Variants in PTPRT observed in about 807,000 individuals in gnomAD.
PTPRT encodes receptor-type tyrosine-protein phosphatase T.
Under a neutral mutation model 176.8 loss-of-function variants are expected in PTPRT, and 56 were observed. The observed-to-expected ratio is 0.32, with a 90% CI of 0.26 to 0.40. The LOEUF is 0.40. Among genes scored for constraint, PTPRT ranks in the 10% least tolerant of loss-of-function variants. PTPRT has a pLI of 1.00. For synonymous variants in PTPRT, 783 were observed against 739.0 expected (o/e 1.06, Z -0.96); for missense variants, 1,540 against 1,908.2 (o/e 0.81, Z 3.60).
intron 7 of PTPRT, among the ~76,000 whole-genome samples, chr20:42,508,533 AG>A (rs1438561471): frequency 6.6e-6 from 1 of 152,208 alleles, no homozygotes; most frequent in East Asian, 1.9e-4. Context: ...AAAATAGAAT[AG>A]CCCTTACTAT....
rs560116805 is a variant in PTPRT at position 42,078,357 on chromosome 20, C to G, written c.*2522G>C. The G allele has an allele frequency of 1.2e-4, 26 of 212,082 alleles. No individual in the cohort carries two copies. Among genetic ancestry groups the G allele is most frequent in the African/African-American group, 5.4e-4 (24 of 44,218 alleles). The allele number at this position is 212,082 out of a possible 1,614,324, so 13.1% of individuals were successfully genotyped here. A position where few individuals can be genotyped will look rare whatever the true frequency, so the allele number is the denominator to read the frequency against. ...GTTCCATCCTCATGGGCCTGGAGAT[C>G]TGGGTTGGTGACCCTGCTCCGTGGT... On this transcript the variant is annotated 3_prime_UTR_variant, in exon 31 of 31. Coordinates refer to ENST00000373187, the MANE Select transcript of PTPRT (RefSeq NM_007050.6).
intron 6 of PTPRT, among the ~76,000 whole-genome samples, chr20:42,692,730 A>G (rs2075810824): frequency 1.3e-5 from 2 of 152,250 alleles, no homozygotes; most frequent in East Asian, 3.8e-4. Flanking sequence ...CATAGACTAC[A>G]TAATTGTGTG....
At chr20:42,466,099 A>T (rs1298754814) in intron 8 of PTPRT, among the ~76,000 whole-genome samples, 2 of 152,220 alleles carry the variant, frequency 1.3e-5, no homozygotes, top group African/African-American at 4.8e-5. Context: ...TGCAAAGGAC[A>T]TGATCTCATT....
At chr20:42,134,478 G>A (rs1372795057) in intron 18 of PTPRT, among the ~76,000 whole-genome samples, 2 of 152,142 alleles carry the variant, frequency 1.3e-5, no homozygotes, top group Non-Finnish European at 2.9e-5. Context: ...GTGGCGAGGA[G>A]GGAACTGGTG....
At chr20:42,319,722 A>C (rs929355455) in intron 11 of PTPRT, among the ~76,000 whole-genome samples, 6 of 152,188 alleles carry the variant, frequency 3.9e-5, no homozygotes, top group Non-Finnish European at 8.8e-5. Context: ...AGAAACAAGA[A>C]ATTGGGTATT....
At chr20:42,744,004 C>T (rs978156824) in intron 6 of PTPRT, among the ~76,000 whole-genome samples, 76 of 152,222 alleles carry the variant, frequency 5.0e-4, no homozygotes, top group Non-Finnish European at 1.3e-4. Context: ...ACTGGGTTGC[C>T]GGTAGGTGGA....
chr20:42,211,469 G>A (rs1438801866), intron 15 of PTPRT, among the ~76,000 whole-genome samples: 14 of 150,132 alleles, frequency 9.3e-5, no homozygotes, highest in African/African-American at 1.9e-4. Context: ...AAACAACCCC[G>A]TCAAAAAGTG....
intron 7 of PTPRT, among the ~76,000 whole-genome samples, chr20:42,533,319 G>A (rs891098681): frequency 1.6e-4 from 24 of 152,234 alleles, no homozygotes; most frequent in African/African-American, 5.8e-4. Context: ...AATCAAATGC[G>A]GGTGTGCCGC....
Position 42,089,014 on chromosome 20 carries a change from C to T in PTPRT, c.3847-3161G>A, listed in dbSNP as rs181093822. Among the ~76,000 whole-genome samples, 614 of 152,208 alleles carry T rather than the reference C, an allele frequency of 4.0e-3. 2 individuals are homozygous for T. The highest frequency in any genetic ancestry group is 6.2e-3 in the Non-Finnish European group (420 of 68,014). On this transcript the variant is annotated intron_variant, in intron 27 of 30. Coordinates refer to ENST00000373187, the MANE Select transcript of PTPRT (RefSeq NM_007050.6). ...GCCCCTCATAAATAGCATAAGTATG[C>T]AAGGTTAAGCTTCAGAACGCAATGA...
intron 7 of PTPRT, among the ~76,000 whole-genome samples, chr20:42,577,112 C>T (rs1292724551): frequency 6.6e-6 from 1 of 151,968 alleles, no homozygotes; most frequent in Non-Finnish European, 1.5e-5. Flanking sequence ...CAGGCCATTA[C>T]CAAGGAAGAG....
intron 7 of PTPRT, among the ~76,000 whole-genome samples, chr20:42,575,329 G>A (rs1242318705): frequency 6.6e-6 from 1 of 152,176 alleles, no homozygotes; most frequent in Non-Finnish European, 1.5e-5. Context: ...GGAAGAAGAG[G>A]GGCCATTTTC....
At chr20:42,338,221 A>G (rs117192524) in intron 11 of PTPRT, among the ~76,000 whole-genome samples, 171 of 152,366 alleles carry the variant, frequency 1.1e-3, no homozygotes, top group Middle Eastern at 3.4e-3. Context: ...TCTGTAATTT[A>G]TATACCTGCA....
intron 7 of PTPRT, among the ~76,000 whole-genome samples, chr20:42,665,344 G>T (rs1302493458): frequency 1.3e-5 from 2 of 152,204 alleles, no homozygotes; most frequent in African/African-American, 4.8e-5. Context: ...GTGAAAAAAT[G>T]CTCATCATCA....
intron 19 of PTPRT, among the ~76,000 whole-genome samples, chr20:42,126,309 C>A (rs1338501914): frequency 1.3e-5 from 2 of 152,172 alleles, no homozygotes; most frequent in Non-Finnish European, 2.9e-5. Flanking sequence ...TTATTAAAGA[C>A]AGCAGGGTAT....
At chr20:43,008,754 G>T (rs1156502701) in intron 1 of PTPRT, among the ~76,000 whole-genome samples, 3 of 152,122 alleles carry the variant, frequency 2.0e-5, no homozygotes, top group African/African-American at 7.2e-5. Context: ...CCAATCTATG[G>T]TATTTTTGTT....
intron 22 of PTPRT, among the ~76,000 whole-genome samples, chr20:42,114,257 ACT>A (rs1037849183): frequency 6.6e-6 from 1 of 151,606 alleles, no homozygotes; most frequent in African/African-American, 2.4e-5. Context: ...ACTGATTTAA[ACT>A]CTCTGTGTCT....
At chr20:42,807,946 G>C (rs773888516) in intron 2 of PTPRT, among the ~76,000 whole-genome samples, 1 of 152,148 alleles carries the variant, frequency 6.6e-6, no homozygotes, top group Non-Finnish European at 1.5e-5. Context: ...AAAGAAACTT[G>C]TCTCCCCAGC....
intron 14 of PTPRT, among the ~76,000 whole-genome samples, 166 bp from the exon 15 acceptor site, chr20:42,236,424 C>G (rs2056243735): frequency 6.6e-6 from 1 of 152,178 alleles, no homozygotes; most frequent in Non-Finnish European, 1.5e-5. Flanking sequence ...TACTAATCAT[C>G]TTCACTGAGA....
chr20:42,086,305 T>C (rs1315667121), intron 27 of PTPRT, among the ~76,000 whole-genome samples: 1 of 152,124 alleles, frequency 6.6e-6, no homozygotes, highest in Admixed American at 6.5e-5. Context: ...ATGTAGGAAA[T>C]TAGACTCAGT....
Sources: allele counts gnomAD v4.1 joint callset (sites outside exome capture counted in the v4.1 genomes callset), GRCh38; gene constraint gnomAD v4.1.1; transcripts MANE v1.5; gene names NCBI Gene and HGNC (gene_info 2026-07-23, HGNC 2026-07-21).